VAMP4: variants seen among roughly 807,000 people sequenced by gnomAD.
VAMP4 encodes vesicle-associated membrane protein 4.
In VAMP4, 19 loss-of-function variants were observed where a neutral mutation model predicts 23.5. That is an observed-to-expected ratio of 0.81 (90% CI 0.56 to 1.19). VAMP4 has a LOEUF of 1.19. Among genes scored for constraint, VAMP4 ranks in the 50% most tolerant of loss-of-function variants. The pLI is 0.00. For synonymous variants in VAMP4, 31 were observed against 51.0 expected (o/e 0.61, Z 1.67); for missense variants, 145 against 168.6 (o/e 0.86, Z 0.78).
intron 1 of VAMP4, among the ~76,000 whole-genome samples, chr1:171,741,410 A>C (rs987635903): frequency 6.7e-4 from 101 of 151,864 alleles, no homozygotes; most frequent in African/African-American, 2.2e-3. Context: ...AAGTGTAACG[A>C]TTCACCCCCA....
At chr1:171,712,269 T>G (rs1311459521) in intron 4 of VAMP4, among the ~76,000 whole-genome samples, 2 of 152,034 alleles carry the variant, frequency 1.3e-5, no homozygotes, top group Admixed American at 1.3e-4. Context: ...ACAAATATGG[T>G]CTCCGCCCTC....
chr1:171,715,446 G>A (rs1654997948), intron 4 of VAMP4, among the ~76,000 whole-genome samples: 1 of 152,186 alleles, frequency 6.6e-6, no homozygotes, highest in African/African-American at 2.4e-5. Flanking sequence ...CCTGGGTTCT[G>A]TATTCAGACA....
rs550503705 is a variant in VAMP4, at chr1:171,700,618, T to C, written c.*3888A>G. On this transcript the variant is annotated 3_prime_UTR_variant, in exon 8 of 8. Transcript: ENST00000236192. ...CAATTACAGTAGAAGAGCACCCCTA[T>C]ATCCAGGCAAAAGCAAAAGGCCCCA... 3.3e-5 allele frequency: 5 copies of C among 152,342 alleles called. No individual in the cohort carries two copies. Among genetic ancestry groups the C allele is most frequent in the African/African-American group, 9.6e-5 (4 of 41,576 alleles). 9.4% of individuals were successfully genotyped at this position (152,342 alleles called of 1,614,324 possible). A position where few individuals can be genotyped will look rare whatever the true frequency, so the allele number is the denominator to read the frequency against.
chr1:171,703,430 T>TATAC lies in VAMP4; in HGVS notation c.*1075_*1076insGTAT, dbSNP rs1558103704. 2.5e-5 allele frequency: 1 copy of TATAC among 39,770 alleles called. No individual in the cohort carries two copies. Among genetic ancestry groups the TATAC allele is most frequent in the Non-Finnish European group, 5.5e-5 (1 of 18,136 alleles). 2.5% of individuals were successfully genotyped at this position (39,770 alleles called of 1,614,324 possible). ...GTGTGTGTGTGTGTTTGTGTGTATA[T>TATAC]ATATATATATATATATATATATATA... On this transcript the variant is annotated 3_prime_UTR_variant, in exon 8 of 8. Coordinates refer to ENST00000236192, the MANE Select transcript of VAMP4 (RefSeq NM_003762.5).
intron 4 of VAMP4, among the ~76,000 whole-genome samples, chr1:171,715,258 A>T (rs1200287783): frequency 6.6e-6 from 1 of 152,212 alleles, no homozygotes; most frequent in African/African-American, 2.4e-5. Context: ...AGATTTTTAT[A>T]TCATGGCCAG....
At chr1:171,719,950 A>G (rs1655137732) in intron 3 of VAMP4, among the ~76,000 whole-genome samples, 1 of 151,990 alleles carries the variant, frequency 6.6e-6, no homozygotes, top group African/African-American at 2.4e-5. Flanking sequence ...AACTCAAAAG[A>G]AACCAGGTTC....
intron 2 of VAMP4, among the ~76,000 whole-genome samples, chr1:171,737,936 AAT>A (rs1484362640): frequency 6.6e-6 from 1 of 152,014 alleles, no homozygotes; most frequent in Non-Finnish European, 1.5e-5. Flanking sequence ...TTAGGATTAG[AAT>A]ATAGTCATAA....
intron 1 of VAMP4, among the ~76,000 whole-genome samples, chr1:171,739,808 C>T (rs1482227033): frequency 6.6e-6 from 1 of 152,140 alleles, no homozygotes; most frequent in Non-Finnish European, 1.5e-5. Context: ...CTGGATTAAA[C>T]AAAGCTAGTT....
At chr1:171,705,418 T>A (rs1654617930) in intron 7 of VAMP4, among the ~76,000 whole-genome samples, 1 of 152,088 alleles carries the variant, frequency 6.6e-6, no homozygotes, top group Non-Finnish European at 1.5e-5. Context: ...GCAGAAAATG[T>A]GGTACTAAAT....
At chr1:171,731,433 A>C (rs1052819596) in intron 2 of VAMP4, among the ~76,000 whole-genome samples, 8 of 149,030 alleles carry the variant, frequency 5.4e-5, no homozygotes, top group African/African-American at 1.8e-4. Context: ...AATAAAAAAA[A>C]CAGGATTGCA....
intron 3 of VAMP4, among the ~76,000 whole-genome samples, chr1:171,727,112 C>CACCCGT (rs1317780883): frequency 6.6e-6 from 1 of 151,650 alleles, no homozygotes; most frequent in Non-Finnish European, 1.5e-5. Flanking sequence ...TGATGGCACA[C>CACCCGT]ACCCGTAGTC....
chr1:171,722,916 A>G lies in VAMP4; in HGVS notation c.114-3695T>C, dbSNP rs544159910. On this transcript the variant is annotated intron_variant, in intron 3 of 7. Coordinates refer to ENST00000236192, the MANE Select transcript of VAMP4 (RefSeq NM_003762.5). ...CATCCCATTACTGGGCATATACCCAAAGGATTATATCAAGGGAACCACCCC... is the reference window on the plus strand; with the variant it reads ...CATCCCATTACTGGGCATATACCCAGAGGATTATATCAAGGGAACCACCCC... Among the ~76,000 whole-genome samples the G allele has an allele frequency of 2.4e-3, 249 of 104,580 alleles. 1 individual carries two copies. Among genetic ancestry groups the G allele is most frequent in the African/African-American group, 7.5e-3 (231 of 30,936 alleles). The allele number at this position is 104,580 out of a possible 152,430, so 68.6% of individuals were successfully genotyped here. A position where few individuals can be genotyped will look rare whatever the true frequency, so the allele number is the denominator to read the frequency against.
At chr1:171,710,929 T>A in intron 4 of VAMP4, 115 bp from the exon 5 acceptor site, 1 of 719,922 alleles carries the variant, frequency 1.4e-6, no homozygotes. Flanking sequence ...TATTCAACTA[T>A]AAAATTTAAA....
intron 3 of VAMP4, among the ~76,000 whole-genome samples, chr1:171,723,420 C>T (rs982417122): frequency 1.3e-5 from 2 of 152,160 alleles, no homozygotes; most frequent in African/African-American, 2.4e-5. Flanking sequence ...GACACACATT[C>T]CCAGAGCAGC....
chr1:171,708,339 A>C (rs1313411381), intron 6 of VAMP4, among the ~76,000 whole-genome samples: 1 of 100,686 alleles, frequency 9.9e-6, no homozygotes, highest in Non-Finnish European at 2.0e-5. Context: ...GAGTGCCACA[A>C]AAAAAAAAAA....
At chr1:171,722,475 A>G (rs1012389396) in intron 3 of VAMP4, among the ~76,000 whole-genome samples, 5 of 152,228 alleles carry the variant, frequency 3.3e-5, no homozygotes, top group Non-Finnish European at 5.9e-5. Context: ...GGCAACCTAC[A>G]GAATGGGAGA....
Position 171,710,744 on chromosome 1 carries a change from C to T in VAMP4, c.235G>A (p.Glu79Lys). Residue 79 changes from glutamate (E) to lysine (K), a missense_variant, in exon 5 of 8, where the codon GAG becomes AAG. Coordinates refer to ENST00000236192, the MANE Select transcript of VAMP4 (RefSeq NM_003762.5). Reference sequence around the variant, plus strand: ...TTGTCCTGTAGTTCATCTAGTCTCTCCCCTCTCTCAATTACCTTTGTAATA... The same window carrying T: ...TTGTCCTGTAGTTCATCTAGTCTCTTCCCTCTCTCAATTACCTTTGTAATA... Reference protein sequence around the residue: ...ENITKVIERGERLDELQDKSE... With the variant: ...ENITKVIERGKRLDELQDKSE... The T allele has an allele frequency of 6.2e-7, 1 of 1,609,234 alleles. No individual in the cohort carries two copies. Among genetic ancestry groups the T allele is most frequent in the South Asian group, 1.1e-5 (1 of 90,510 alleles).
At chr1:171,708,337 CAA>C (rs200077955) in intron 6 of VAMP4, among the ~76,000 whole-genome samples, 5,393 of 87,398 alleles carry the variant, frequency 0.062, 107 homozygotes, top group East Asian at 0.29. Context: ...AAGAGTGCCA[CAA>C]AAAAAAAAAA....
chr1:171,719,892 A>G (rs1655134855), intron 3 of VAMP4, among the ~76,000 whole-genome samples: 1 of 152,010 alleles, frequency 6.6e-6, no homozygotes, highest in Admixed American at 6.6e-5. Context: ...TATTTAAAGT[A>G]ATCATGATTC....
Sources: gnomAD v4.1 joint callset for allele counts (sites outside exome capture counted in the v4.1 genomes callset) on GRCh38, gnomAD v4.1.1 for gene constraint, MANE v1.5 for transcripts, NCBI Gene and HGNC (gene_info 2026-07-23, HGNC 2026-07-21) for gene names.